The following UEVLD variants were observed in gnomAD, a reference collection of about 807,000 sequenced individuals.
The protein encoded by UEVLD is UEV and lactate/malate dehyrogenase domains.
UEVLD carries 47 observed loss-of-function variants against 58.6 expected under a neutral mutation model. The ratio of observed to expected loss-of-function variants is 0.80; its 90% CI spans 0.63 to 1.02. The LOEUF is 1.02. UEVLD is among the 50% of genes least tolerant of loss of function. The pLI is 0.00. For synonymous variants in UEVLD, 197 were observed against 195.3 expected (o/e 1.01, Z -0.07); for missense variants, 510 against 550.6 (o/e 0.93, Z 0.74).
At chr11:18,575,270 T>A in intron 3 of UEVLD, 77 bp downstream of exon 3, 2 of 1,448,988 alleles carry the variant, frequency 1.4e-6, no homozygotes, top group South Asian at 2.5e-5. Flanking sequence ...AAGAATGTTA[T>A]GGCATAAACA....
At chr11:18,586,497 G>A (rs1853569277) in intron 1 of UEVLD, among the ~76,000 whole-genome samples, 1 of 152,044 alleles carries the variant, frequency 6.6e-6, no homozygotes, top group Non-Finnish European at 1.5e-5. Context: ...AATTACAGAC[G>A]TGAGCTACCG....
chr11:18,570,220 C>T lies in UEVLD; in HGVS notation c.351G>A (p.Trp117Ter). Reference protein sequence around the residue: ...GRIYLPYLQNWSHPKSVIVGL... With the variant: ...GRIYLPYLQN ...AAATCCAAATTGATCTTACATGGCT[C>T]CAGTTTTGGAGATAGGGCAAATATA... Residue 117 changes from tryptophan (W) to a stop codon, truncating the protein, a stop_gained, in exon 4 of 12, where the codon TGG becomes TGA. Transcript: ENST00000396197. LOFTEE classifies it high-confidence loss of function. 4 of 1,586,220 alleles carry T rather than the reference C, an allele frequency of 2.5e-6. No homozygotes were observed. Among genetic ancestry groups the T allele is most frequent in the Non-Finnish European group, 2.6e-6 (3 of 1,170,762 alleles).
chr11:18,531,688 A>G lies in UEVLD; in HGVS notation c.*632T>C, dbSNP rs1193072559. 1 of 152,218 alleles carries G rather than the reference A, an allele frequency of 6.6e-6. No individual in the cohort carries two copies. The highest frequency in any genetic ancestry group is 6.5e-5 in the Admixed American group (1 of 15,284). 9.4% of individuals were successfully genotyped at this position (152,218 alleles called of 1,614,324 possible). A position where few individuals can be genotyped will look rare whatever the true frequency, so the allele number is the denominator to read the frequency against. On this transcript the variant is annotated 3_prime_UTR_variant, in exon 12 of 12. Coordinates refer to ENST00000396197, the MANE Select transcript of UEVLD (RefSeq NM_001040697.4). ...GAGGTTATGGAAAATTTCATAAAGG[A>G]AGTCCCACTGGAAATTAAAGTAAAC...
At chr11:18,574,591 G>C (rs1353287309) in intron 3 of UEVLD, among the ~76,000 whole-genome samples, 1 of 152,234 alleles carries the variant, frequency 6.6e-6, no homozygotes, top group Non-Finnish European at 1.5e-5. Flanking sequence ...CACAGGAGAA[G>C]TAGGTCTGGA....
chr11:18,557,879 C>T (rs1297371732), intron 7 of UEVLD, among the ~76,000 whole-genome samples: 2 of 152,310 alleles, frequency 1.3e-5, no homozygotes, highest in East Asian at 1.9e-4. Context: ...ATGGAAACTT[C>T]TATCTGTAGA....
At chr11:18,550,722 A>G (rs1248986274) in intron 7 of UEVLD, among the ~76,000 whole-genome samples, 1 of 152,196 alleles carries the variant, frequency 6.6e-6, no homozygotes, top group Non-Finnish European at 1.5e-5. Flanking sequence ...ATAACTGTTT[A>G]TATATTGCAT....
chr11:18,558,655 A>G (rs971436954), intron 6 of UEVLD, among the ~76,000 whole-genome samples: 2 of 151,776 alleles, frequency 1.3e-5, no homozygotes, highest in African/African-American at 4.8e-5. Flanking sequence ...ATGGTGGCAC[A>G]TGCTTATAAT....
intron 9 of UEVLD, among the ~76,000 whole-genome samples, chr11:18,537,552 A>T (rs899805983): frequency 1.3e-5 from 2 of 151,090 alleles, no homozygotes; most frequent in Non-Finnish European, 2.9e-5. Flanking sequence ...GCAGGTCTCG[A>T]ACTCCTGACC....
intron 7 of UEVLD, among the ~76,000 whole-genome samples, chr11:18,551,275 T>C (rs1851515113): frequency 6.6e-6 from 1 of 151,668 alleles, no homozygotes; most frequent in African/African-American, 2.4e-5. Context: ...AAAAAGAAAT[T>C]AGCCGGGCGT....
At chr11:18,582,602 TG>T (rs1853301600) in intron 1 of UEVLD, among the ~76,000 whole-genome samples, 1 of 152,008 alleles carries the variant, frequency 6.6e-6, no homozygotes. Context: ...CCCAAAGGGC[TG>T]GGATTACAGG....
At chr11:18,565,103 A>T (rs946050155) in intron 5 of UEVLD, 93 bp from the exon 6 acceptor site, 1 of 910,480 alleles carries the variant, frequency 1.1e-6, no homozygotes, top group Non-Finnish European at 1.7e-6. Flanking sequence ...TTCATAGCTT[A>T]GAGAGAAAAT....
intron 2 of UEVLD, among the ~76,000 whole-genome samples, chr11:18,575,836 T>C (rs906529565): frequency 1.4e-5 from 2 of 145,238 alleles, no homozygotes; most frequent in Admixed American, 6.9e-5. Flanking sequence ...CATTATTAAA[T>C]AATTGTCAAT....
Position 18,563,732 on chromosome 11 carries a change from C to T in UEVLD, c.612+1160G>A, listed in dbSNP as rs183734776. The stretch of plus-strand genomic sequence containing the variant: ...TTAAGAGGTAATAGCAGGCCAGGTA[C>T]GGTGGCTCACACTTGTAATCCCAGC... On this transcript the variant is annotated intron_variant, in intron 6 of 11. Transcript: ENST00000396197. 1.2e-4 allele frequency: 115 copies of T among 984,786 alleles called. 2 individuals carry two copies. In the East Asian group the frequency reaches 5.9e-3, roughly 51 times the overall value. 61.0% of individuals were successfully genotyped at this position (984,786 alleles called of 1,614,324 possible). A position where few individuals can be genotyped will look rare whatever the true frequency, so the allele number is the denominator to read the frequency against.
At chr11:18,580,035 CTTTTTTTTTTT>C (rs140542993) in intron 1 of UEVLD, among the ~76,000 whole-genome samples, 12 of 85,436 alleles carry the variant, frequency 1.4e-4, no homozygotes, top group African/African-American at 1.9e-4. Flanking sequence ...TCCCAGCTGG[CTTTTTTTTTTT>C]TTTTTTTTTT....
At chr11:18,578,567 ATTAAT>A (rs1853058227) in intron 2 of UEVLD, among the ~76,000 whole-genome samples, 152 bp downstream of exon 2, 1 of 152,244 alleles carries the variant, frequency 6.6e-6, no homozygotes. Flanking sequence ...GATACATTGT[ATTAAT>A]TTAAGCTTTC....
chr11:18,546,766 G>A (rs902737032), intron 8 of UEVLD, 114 bp downstream of exon 8: 9 of 1,161,624 alleles, frequency 7.7e-6, no homozygotes, highest in Non-Finnish European at 9.6e-6. Context: ...CCCAGTGTTG[G>A]GATTACTGGT....
intron 1 of UEVLD, among the ~76,000 whole-genome samples, chr11:18,586,626 T>C (rs1170675321): frequency 6.6e-6 from 1 of 152,192 alleles, no homozygotes; most frequent in Non-Finnish European, 1.5e-5. Flanking sequence ...GCTCAAGCTA[T>C]TCTCCTGCCT....
chr11:18,565,876 A>C (rs1036074781), intron 5 of UEVLD, among the ~76,000 whole-genome samples: 2 of 150,692 alleles, frequency 1.3e-5, no homozygotes, highest in Non-Finnish European at 3.0e-5. Context: ...CCTGTGATAA[A>C]GGCAAAGGAA....
rs1590311204 is a variant in UEVLD, at chr11:18,539,095, T to G, written c.1061-2626A>C. ...ATAAGTTTTTTTTTTTTTTTTTTTT[T>G]GAGACAGTCTCGCTCTGTTGCCCAG... On this transcript the variant is annotated intron_variant, in intron 9 of 11. Transcript: ENST00000396197. 3.6e-5 allele frequency: 3 copies of G among 83,086 alleles called. No homozygotes were observed. In the South Asian group the frequency reaches 1.2e-3, roughly 34 times the overall value. 5.1% of individuals were successfully genotyped at this position (83,086 alleles called of 1,614,324 possible).
Sources: gnomAD v4.1 joint callset for allele counts (sites outside exome capture counted in the v4.1 genomes callset) on GRCh38, gnomAD v4.1.1 for gene constraint, MANE v1.5 for transcripts, NCBI Gene and HGNC (gene_info 2026-07-23, HGNC 2026-07-21) for gene names.